PAK5: variants seen among roughly 807,000 people sequenced by gnomAD.
PAK5 encodes serine/threonine-protein kinase PAK 5.
PAK5 carries 16 observed loss-of-function variants against 65.9 expected under a neutral mutation model. The observed-to-expected ratio is 0.24, with a 90% CI of 0.16 to 0.37. The LOEUF is 0.37. Ranked by LOEUF, PAK5 falls within the 10% of genes least tolerant of loss-of-function variation. The pLI, the probability that PAK5 is intolerant of heterozygous loss-of-function variation, is 1.00. For synonymous variants in PAK5, 371 were observed against 354.9 expected, an observed-to-expected ratio of 1.05 and a Z score of -0.51; for missense variants, 785 against 903.9, an observed-to-expected ratio of 0.87 and a Z score of 1.69.
At chr20:9,591,752 C>A (rs2046175326) in intron 3 of PAK5, among the ~76,000 whole-genome samples, 1 of 151,980 alleles carries the variant, frequency 6.6e-6, no homozygotes, top group Non-Finnish European at 1.5e-5. Context: ...GTATTGCATT[C>A]TCTTATAGTA....
chr20:9,805,871 C>G (rs987229781), intron 1 of PAK5, among the ~76,000 whole-genome samples: 8 of 152,248 alleles, frequency 5.3e-5, no homozygotes, highest in Non-Finnish European at 7.4e-5. Flanking sequence ...GCAGTTCTCA[C>G]GCAAATCCTT....
chr20:9,703,343 A>C (rs892973980), intron 2 of PAK5, among the ~76,000 whole-genome samples: 1 of 152,212 alleles, frequency 6.6e-6, no homozygotes, highest in Non-Finnish European at 1.5e-5. Flanking sequence ...TATGCTAAGA[A>C]TGACCCTGTA....
At chr20:9,719,009 C>T (rs951154173) in intron 1 of PAK5, among the ~76,000 whole-genome samples, 2 of 152,146 alleles carry the variant, frequency 1.3e-5, no homozygotes, top group South Asian at 4.1e-4. Context: ...TCATCTGCCC[C>T]CCTGTGATCT....
chr20:9,665,085 G>GTTCTTTTTTTTT (rs2047397193), intron 2 of PAK5, among the ~76,000 whole-genome samples: 1 of 98,920 alleles, frequency 1.0e-5, no homozygotes, highest in Non-Finnish European at 1.9e-5. Context: ...AAATTTTTCT[G>GTTCTTTTTTTTT]TTTTTTTTTT....
At chr20:9,754,732 A>T (rs1379469273) in intron 1 of PAK5, among the ~76,000 whole-genome samples, 2 of 152,198 alleles carry the variant, frequency 1.3e-5, no homozygotes, top group Non-Finnish European at 2.9e-5. Context: ...TCAAAGTTAG[A>T]CTATAAACTA....
chr20:9,771,242 T>C (rs1423462818), intron 1 of PAK5, among the ~76,000 whole-genome samples: 1 of 152,144 alleles, frequency 6.6e-6, no homozygotes, highest in Non-Finnish European at 1.5e-5. Flanking sequence ...ACTCACTTTT[T>C]GATAGAGAAC....
In PAK5 at chr20:9,833,708, A is replaced by G. The variant is rs58345627; in HGVS notation, c.-162+5054T>C. Among the ~76,000 whole-genome samples the G allele has an allele frequency of 8.7e-3, 1,319 of 152,274 alleles. 26 individuals are homozygous for G. The highest frequency in any genetic ancestry group is 0.031 in the African/African-American group (1,274 of 41,540). ...TTTTGTAAGGTTCTCCCAAATCCCA[A>G]TGTAATAAAACTATATAATTGATCT... On this transcript the variant is annotated intron_variant, in intron 1 of 9. Transcript: ENST00000353224.
chr20:9,612,316 C>T (rs1020009413), intron 3 of PAK5, among the ~76,000 whole-genome samples: 3 of 152,128 alleles, frequency 2.0e-5, no homozygotes, highest in Admixed American at 1.3e-4. Flanking sequence ...GTGTATTTGG[C>T]CGTTCTCACA....
intron 1 of PAK5, among the ~76,000 whole-genome samples, chr20:9,822,156 G>A (rs1481975206): frequency 1.3e-5 from 2 of 151,988 alleles, no homozygotes; most frequent in African/African-American, 4.8e-5. Flanking sequence ...AGGTGTGGTG[G>A]TGCATCTCTG....
intron 1 of PAK5, among the ~76,000 whole-genome samples, chr20:9,754,798 T>C (rs1171016957): frequency 6.6e-6 from 1 of 152,222 alleles, no homozygotes; most frequent in South Asian, 2.1e-4. Context: ...GTTTGGAGGT[T>C]ATAAGCAAGA....
intron 7 of PAK5, among the ~76,000 whole-genome samples, chr20:9,557,333 G>T (rs6056697): frequency 6.6e-6 from 1 of 152,080 alleles, no homozygotes; most frequent in Non-Finnish European, 1.5e-5. Context: ...AAACAGATGT[G>T]GCAGAAAAGG....
At chr20:9,707,556 C>A (rs1163303341) in intron 2 of PAK5, among the ~76,000 whole-genome samples, 1 of 152,182 alleles carries the variant, frequency 6.6e-6, no homozygotes, top group African/African-American at 2.4e-5. Flanking sequence ...TGACTTTGAA[C>A]TCCTCTAACC....
intron 2 of PAK5, among the ~76,000 whole-genome samples, chr20:9,669,307 C>T (rs1437247753): frequency 6.6e-6 from 1 of 152,110 alleles, no homozygotes; most frequent in Non-Finnish European, 1.5e-5. Context: ...ATATACTTAT[C>T]TATATACACA....
intron 1 of PAK5, among the ~76,000 whole-genome samples, chr20:9,728,768 T>A (rs1294681539): frequency 1.3e-5 from 2 of 152,140 alleles, no homozygotes; most frequent in East Asian, 1.9e-4. Flanking sequence ...GATCTGTTTT[T>A]TTTTTTTGTA....
intron 1 of PAK5, among the ~76,000 whole-genome samples, chr20:9,729,243 A>T (rs1298361286): frequency 6.6e-6 from 1 of 152,240 alleles, no homozygotes; most frequent in Non-Finnish European, 1.5e-5. Context: ...TCAAAAAAAA[A>T]AAATTCATAA....
chr20:9,786,726 T>C (rs759446225), intron 1 of PAK5, among the ~76,000 whole-genome samples: 1 of 152,204 alleles, frequency 6.6e-6, no homozygotes, highest in Non-Finnish European at 1.5e-5. Context: ...ATCTGTTTTA[T>C]GGATAAGTGA....
chr20:9,780,188 A>C (rs148807249), intron 1 of PAK5, among the ~76,000 whole-genome samples: 2 of 152,142 alleles, frequency 1.3e-5, no homozygotes, highest in Admixed American at 1.3e-4. Flanking sequence ...AAAAATACAC[A>C]ATAAATAACA....
chr20:9,619,323 A>C (rs1313521640), intron 3 of PAK5, among the ~76,000 whole-genome samples: 1 of 152,230 alleles, frequency 6.6e-6, no homozygotes, highest in Non-Finnish European at 1.5e-5. Flanking sequence ...TGATCTCAGG[A>C]AACTTAGCTA....
At chr20:9,776,234 G>A (rs6077598) in intron 1 of PAK5, among the ~76,000 whole-genome samples, 64,935 of 151,896 alleles carry the variant, frequency 0.43, 14,021 homozygotes, top group East Asian at 0.64. Context: ...CTAGTAAAAG[G>A]TAGAGTCAGA....
Sources: gnomAD v4.1 joint callset for allele counts (sites outside exome capture counted in the v4.1 genomes callset) on GRCh38, gnomAD v4.1.1 for gene constraint, MANE v1.5 for transcripts, NCBI Gene and HGNC (gene_info 2026-07-23, HGNC 2026-07-21) for gene names.